Variants in ABCA5 observed in about 807,000 individuals in gnomAD.
ABCA5 encodes ATP binding cassette subfamily A member 5.
In ABCA5, 163 loss-of-function variants were observed where a neutral mutation model predicts 206.0. The ratio of observed to expected loss-of-function variants is 0.79; its 90% confidence interval spans 0.70 to 0.90. The LOEUF (loss-of-function observed/expected upper bound fraction) is 0.90, where lower values mean the gene tolerates loss of function less well. Ranked by LOEUF, ABCA5 falls within the 40% of genes least tolerant of loss-of-function variation. ABCA5 has a pLI of 0.00. For missense variants in ABCA5, 1,859 were observed against 1,912.9 expected, an observed-to-expected ratio of 0.97 and a Z score of 0.53; for synonymous variants, 609 against 613.8, an observed-to-expected ratio of 0.99 and a Z score of 0.11.
chr17:69,262,424 G>A (rs1033723503), intron 24 of ABCA5, among the ~76,000 whole-genome samples: 1 of 151,872 alleles, frequency 6.6e-6, no homozygotes, highest in African/African-American at 2.4e-5. Context: ...GTCTACTGTT[G>A]CCATTTTTAT....
At chr17:69,248,391 C>T in intron 37 of ABCA5, 74 bp from the exon 38 acceptor site, 1 of 857,208 alleles carries the variant, frequency 1.2e-6, no homozygotes. Flanking sequence ...AAGTGGCTAA[C>T]AATGTTTTAA....
intron 18 of ABCA5, among the ~76,000 whole-genome samples, chr17:69,278,613 A>T (rs2075358448): frequency 6.6e-6 from 1 of 152,232 alleles, no homozygotes; most frequent in Non-Finnish European, 1.5e-5. Flanking sequence ...CACAACACTT[A>T]AAAGGTATAA....
Position 69,282,980 on chromosome 17 carries a change from C to CGTT in ABCA5, c.2392+972_2392+973insAAC, listed in dbSNP as rs1198007515. 2.7e-5 allele frequency among the ~76,000 whole-genome samples: 3 copies of CGTT among 112,980 alleles called. No homozygotes were observed. In the Admixed American group the frequency reaches 3.2e-4, roughly 12 times the overall value. 74.1% of individuals were successfully genotyped at this position (112,980 alleles called of 152,430 possible). On this transcript the variant is annotated intron_variant, in intron 18 of 38. Coordinates refer to ENST00000392676, the MANE Select transcript of ABCA5 (RefSeq NM_172232.4). Reference sequence around the variant, plus strand: ...TATAACCCAAATATCTGTTCTTTCCCTTTTTTTTTTTTTTTTTTTTTTTTT... The same window carrying CGTT: ...TATAACCCAAATATCTGTTCTTTCCCGTTTTTTTTTTTTTTTTTTTTTTTTTTT...
intron 18 of ABCA5, among the ~76,000 whole-genome samples, chr17:69,283,616 A>T (rs2075420071): frequency 6.6e-6 from 1 of 152,122 alleles, no homozygotes; most frequent in South Asian, 2.1e-4. Context: ...AAAGACATCC[A>T]ACTCATTCCT....
intron 28 of ABCA5, among the ~76,000 whole-genome samples, chr17:69,257,373 A>G (rs1410761808): frequency 6.6e-6 from 1 of 151,962 alleles, no homozygotes; most frequent in Non-Finnish European, 1.5e-5. Context: ...AAAAAAAAGA[A>G]AAATGTGTAA....
At chr17:69,272,295 G>C (rs2075282050) in intron 20 of ABCA5, among the ~76,000 whole-genome samples, 1 of 151,998 alleles carries the variant, frequency 6.6e-6, no homozygotes, top group Admixed American at 6.6e-5. Flanking sequence ...AGGTGGGTAA[G>C]ATACCACCCA....
intron 8 of ABCA5, among the ~76,000 whole-genome samples, chr17:69,302,362 T>A (rs905491065): frequency 6.6e-6 from 1 of 152,202 alleles, no homozygotes; most frequent in Non-Finnish European, 1.5e-5. Flanking sequence ...CTCCCATGCA[T>A]TCTTCTGAGA....
At position 69,294,453 on chromosome 17, in the gene ABCA5, C is replaced by G. The variant is rs541362513; in HGVS notation, c.1495+202G>C. ...AGGCGAATCACTTGAACCCAGAAGG[C>G]GCAGGTTGCAGTGAGCCAAGAGAAC... On this transcript the variant is annotated intron_variant, in intron 11 of 38. Coordinates refer to ENST00000392676, the MANE Select transcript of ABCA5 (RefSeq NM_172232.4). 4.6e-5 allele frequency among the ~76,000 whole-genome samples: 7 copies of G among 152,104 alleles called. No homozygotes were observed. The South Asian group carries it at 1.5e-3, about 32-fold the overall frequency.
rs751831279 is a variant in ABCA5, at chr17:69,326,064, A to T, written c.-16+988T>A. Among the ~76,000 whole-genome samples the T allele has an allele frequency of 5.3e-5, 8 of 152,206 alleles. No individual in the cohort carries two copies. Among genetic ancestry groups the T allele is most frequent in the Admixed American group, 1.3e-4 (2 of 15,288 alleles). On this transcript the variant is annotated intron_variant, in intron 1 of 38. Transcript: ENST00000392676. This position sits in a 1 kb window ranked among gnomAD's most constrained non-coding sequence, Gnocchi z 4.8. ...ATACAATATTGCTCTCCCGGCAAAC[A>T]CAAAATATACTAAATAAAGCACCAG...
At chr17:69,293,084 T>A (rs1411978390) in intron 11 of ABCA5, among the ~76,000 whole-genome samples, 1 of 152,154 alleles carries the variant, frequency 6.6e-6, no homozygotes, top group East Asian at 1.9e-4. Context: ...CATTTTTGGT[T>A]GTTACAACTG....
intron 7 of ABCA5, among the ~76,000 whole-genome samples, chr17:69,303,810 A>G (rs2075681659): frequency 1.6e-4 from 1 of 6,292 alleles, no homozygotes; most frequent in African/African-American, 1.8e-4. Context: ...ATATATATAC[A>G]TACATATATA....
In ABCA5 at chr17:69,289,256, T is replaced by C. The variant is rs376179070; in HGVS notation, c.1823A>G (p.Lys608Arg). Residue 608 changes from lysine to arginine, a missense_variant, in exon 14 of 39, where the codon AAA becomes AGA. Coordinates refer to ENST00000392676, the MANE Select transcript of ABCA5 (RefSeq NM_172232.4). ...ACTTAATTTTTTAGCTTGGTTATCT[T>C]TGATAGTCTGCATGTCTAAATCTAG... ...VLLDLDMQTI[K>R]DNQAKKLSGG... The C allele has an allele frequency of 1.9e-6, 3 of 1,606,870 alleles. No individual in the cohort carries two copies. Among genetic ancestry groups the C allele is most frequent in the Non-Finnish European group, 2.5e-6 (3 of 1,177,018 alleles).
At chr17:69,279,567 A>G (rs1245230822) in intron 18 of ABCA5, among the ~76,000 whole-genome samples, 1 of 151,878 alleles carries the variant, frequency 6.6e-6, no homozygotes, top group Non-Finnish European at 1.5e-5. Context: ...AAGAGCCCGC[A>G]TCGCCAAGTC....
intron 24 of ABCA5, among the ~76,000 whole-genome samples, chr17:69,263,697 CTT>C (rs58369537): frequency 6.8e-5 from 7 of 103,690 alleles, no homozygotes; most frequent in Non-Finnish European, 8.9e-5. Context: ...ACATGGATTC[CTT>C]TTTTTTTTTT....
At chr17:69,276,469 C>T (rs1360429991) in intron 19 of ABCA5, among the ~76,000 whole-genome samples, 1 of 152,036 alleles carries the variant, frequency 6.6e-6, no homozygotes, top group Non-Finnish European at 1.5e-5. Flanking sequence ...GAATACTATG[C>T]AGCCATAAAA....
At chr17:69,255,474 C>A in intron 31 of ABCA5, 69 bp downstream of exon 31, 1 of 1,005,238 alleles carries the variant, frequency 9.9e-7, no homozygotes, top group Non-Finnish European at 1.4e-6. Context: ...CCGAATTTGT[C>A]ACTAAAAGTT....
At chr17:69,299,471 TACACACAC>T (rs71144671) in intron 9 of ABCA5, among the ~76,000 whole-genome samples, 4 of 142,400 alleles carry the variant, frequency 2.8e-5, no homozygotes, top group Non-Finnish European at 4.6e-5. Flanking sequence ...CACACACACA[TACACACAC>T]ACACACACAC....
intron 23 of ABCA5, among the ~76,000 whole-genome samples, chr17:69,266,255 A>G (rs922722930): frequency 2.4e-4 from 37 of 152,350 alleles, no homozygotes; most frequent in African/African-American, 7.9e-4. Context: ...GCCACAGGTC[A>G]GAGAGGCTAG....
rs1018469283 is a variant in ABCA5, at chr17:69,274,228, T to C, written c.2595-100A>G. The stretch of plus-strand genomic sequence containing the variant: ...TTCACATTGATATGGACTTTTTTTG[T>C]TTTTATTTGAGACAGGGTCTGGTTC... On this transcript the variant is annotated intron_variant, in intron 19 of 38. Coordinates refer to ENST00000392676, the MANE Select transcript of ABCA5 (RefSeq NM_172232.4). 2.5e-6 allele frequency: 3 copies of C among 1,188,886 alleles called. No individual in the cohort carries two copies. The African/African-American group carries it at 4.7e-5, about 19-fold the overall frequency. 73.6% of individuals were successfully genotyped at this position (1,188,886 alleles called of 1,614,324 possible).
Sources: gnomAD v4.1 joint callset for allele counts (sites outside exome capture counted in the v4.1 genomes callset) on GRCh38, gnomAD v4.1.1 for gene constraint, Gnocchi (gnomAD v3.1) non-coding constraint, MANE v1.5 for transcripts, NCBI Gene and HGNC (gene_info 2026-07-23, HGNC 2026-07-21) for gene names.